The following FANCA variants were observed in gnomAD, a reference collection of about 807,000 sequenced individuals.
The protein encoded by FANCA is FA complementation group A.
In FANCA, 236 loss-of-function variants were observed where a neutral mutation model predicts 194.3. The observed-to-expected ratio is 1.21, with a 90% CI of 1.09 to 1.35. The LOEUF (loss-of-function observed/expected upper bound fraction) is 1.35. FANCA is among the 40% of genes most tolerant of loss of function. The probability of loss-of-function intolerance (pLI) is 0.00; values close to 1 mark genes in which losing one functional copy is unlikely to be tolerated. For synonymous variants in FANCA, 1,014 were observed against 715.8 expected (o/e 1.42, Z -6.65); for missense variants, 2,628 against 1,813.9 (o/e 1.45, Z -8.15).
intron 3 of FANCA, among the ~76,000 whole-genome samples, chr16:89,812,132 G>A (rs2040908538): frequency 3.4e-5 from 5 of 146,568 alleles, no homozygotes; most frequent in Admixed American, 3.4e-4. Flanking sequence ...TCAGGAGATC[G>A]AGACCATCCT....
rs2011877 is a variant in FANCA, at chr16:89,748,410, T to A, written c.3348+249A>T. Among the ~76,000 whole-genome samples the A allele has an allele frequency of 0.011, 1,710 of 152,204 alleles. 30 individuals are homozygous for A. Among genetic ancestry groups the A allele is most frequent in the South Asian group, 0.092 (444 of 4,830 alleles). On this transcript the variant is annotated intron_variant, in intron 33 of 42. Coordinates refer to ENST00000389301, the MANE Select transcript of FANCA (RefSeq NM_000135.4). Reference sequence around the variant, plus strand: ...TCCATGTGTCAAAATCATTAAAACTTGAGGGAAACTAAAGGAACTCAAACT... The same window carrying A: ...TCCATGTGTCAAAATCATTAAAACTAGAGGGAAACTAAAGGAACTCAAACT...
chr16:89,779,269 G>A (rs2039621176), intron 18 of FANCA, among the ~76,000 whole-genome samples: 1 of 152,128 alleles, frequency 6.6e-6, no homozygotes, highest in African/African-American at 2.4e-5. Context: ...GAGGCCACGA[G>A]GACCATGTAA....
intron 10 of FANCA, 22 bp downstream of exon 10, chr16:89,799,144 C>T (rs757362952): frequency 1.2e-6 from 2 of 1,614,198 alleles, no homozygotes; most frequent in Non-Finnish European, 1.7e-6. Context: ...CACACTCAGG[C>T]AGGCCACCCT....
intron 22 of FANCA, among the ~76,000 whole-genome samples, chr16:89,772,130 C>A (rs536045678): frequency 6.6e-6 from 1 of 152,246 alleles, no homozygotes; most frequent in Non-Finnish European, 1.5e-5. Flanking sequence ...GACACCACAT[C>A]TGCCTAAGCG....
chr16:89,774,070 C>T (rs2039413384), intron 21 of FANCA, among the ~76,000 whole-genome samples: 1 of 151,926 alleles, frequency 6.6e-6, no homozygotes, highest in South Asian at 2.1e-4. Context: ...CGCCCAGCCA[C>T]CACTTTCAAT....
At position 89,758,702 on chromosome 16, in the gene FANCA, C is replaced by G. The variant is rs200093209; in HGVS notation, c.2856G>C (p.Gln952His). The part of the protein sequence containing the change: ...EADALSDTER[Q>H]DFHQWAIHEH... The stretch of plus-strand genomic sequence containing the variant: ...CATGGATCGCCCACTGGTGGAAGTC[C>G]TGCCTAGAACAGCAAACACTGCTAT... Residue 952 changes from glutamine to histidine, a missense_variant, in exon 30 of 43, where the codon CAG (glutamine) becomes CAC (histidine). By Grantham distance (24) the Gln-to-His change is conservative. Transcript: ENST00000389301. The G allele has an allele frequency of 4.6e-5, 75 of 1,613,472 alleles. No individual in the cohort carries two copies. Among genetic ancestry groups the G allele is most frequent in the Middle Eastern group, 1.6e-4 (1 of 6,080 alleles).
chr16:89,782,846 C>A lies in FANCA; in HGVS notation c.1626+13G>T. The A allele has an allele frequency of 6.2e-7, 1 of 1,612,146 alleles. No individual in the cohort carries two copies. ...TGACTGGCTGAGACCCTGCAGGGCT[C>A]AAGCAACATTACCTCAGTAATGTCC... On this transcript the variant is annotated intron_variant, in intron 17 of 42. Transcript: ENST00000389301.
chr16:89,796,037 G>C lies in FANCA; in HGVS notation c.894-19C>G, dbSNP rs778340658. On this transcript the variant is annotated intron_variant, in intron 10 of 42. Coordinates refer to ENST00000389301, the MANE Select transcript of FANCA (RefSeq NM_000135.4). ...TCCGAACCTGCCAATGCAGCAGAAA[G>C]AGGGGTCAGGAAAGGGAGGGTGCCT... 6.3e-7 allele frequency: 1 copy of C among 1,598,330 alleles called. No homozygotes were observed. The highest frequency in any genetic ancestry group is 2.2e-5 in the East Asian group (1 of 44,806).
chr16:89,780,370 G>A (rs902786938), intron 17 of FANCA, among the ~76,000 whole-genome samples: 6 of 152,096 alleles, frequency 3.9e-5, no homozygotes, highest in African/African-American at 1.4e-4. Flanking sequence ...GTCTATAAAC[G>A]CAGTGCTTTG....
intron 1 of FANCA, chr16:89,816,228 G>A (rs544689632): frequency 2.3e-5 from 12 of 510,968 alleles, no homozygotes; most frequent in South Asian, 2.0e-4. Flanking sequence ...GCGAGGGGCG[G>A]CCTCTGCGCT....
intron 36 of FANCA, among the ~76,000 whole-genome samples, chr16:89,743,548 G>T (rs1237102002): frequency 6.6e-6 from 1 of 152,182 alleles, no homozygotes; most frequent in East Asian, 1.9e-4. Flanking sequence ...ACGAGGCAGG[G>T]CGTGGTGGTT....
At chr16:89,812,104 G>A (rs1395991965) in intron 3 of FANCA, among the ~76,000 whole-genome samples, 1 of 150,370 alleles carries the variant, frequency 6.7e-6, no homozygotes, top group South Asian at 2.1e-4. Flanking sequence ...GGGAGGCCGA[G>A]GCGGGCGGAT....
At chr16:89,802,888 A>G (rs1381694738) in intron 8 of FANCA, among the ~76,000 whole-genome samples, 1 of 152,208 alleles carries the variant, frequency 6.6e-6, no homozygotes, top group Non-Finnish European at 1.5e-5. Flanking sequence ...ACCAGAGATG[A>G]GAAGGGTATA....
At chr16:89,802,990 C>A (rs1268955802) in intron 8 of FANCA, among the ~76,000 whole-genome samples, 3 of 152,050 alleles carry the variant, frequency 2.0e-5, no homozygotes, top group Admixed American at 6.6e-5. Flanking sequence ...CAGAGTGAGG[C>A]GGCTATAGTT....
At chr16:89,765,607 G>A (rs553655072) in intron 27 of FANCA, among the ~76,000 whole-genome samples, 1 of 152,378 alleles carries the variant, frequency 6.6e-6, no homozygotes. Flanking sequence ...GCCTCTGCCA[G>A]GAATGGCGTT....
intron 13 of FANCA, 69 bp downstream of exon 13, chr16:89,791,858 C>G (rs2040086509): frequency 6.3e-7 from 1 of 1,599,024 alleles, no homozygotes; most frequent in South Asian, 1.1e-5. Context: ...CCACAGTCAG[C>G]TGGGACTCTG....
At chr16:89,794,193 G>A (rs1241944274) in intron 11 of FANCA, among the ~76,000 whole-genome samples, 1 of 152,108 alleles carries the variant, frequency 6.6e-6, no homozygotes, top group Non-Finnish European at 1.5e-5. Flanking sequence ...TACTTGTAAT[G>A]CTTTGTCATA....
chr16:89,750,210 G>T (rs753858673), intron 31 of FANCA, among the ~76,000 whole-genome samples: 3 of 152,252 alleles, frequency 2.0e-5, no homozygotes, highest in Non-Finnish European at 4.4e-5. Flanking sequence ...AGCTGGGCGT[G>T]GTGGCTCATG....
intron 20 of FANCA, among the ~76,000 whole-genome samples, chr16:89,778,075 T>C (rs537918731): frequency 6.7e-6 from 1 of 148,938 alleles, no homozygotes; most frequent in Admixed American, 6.7e-5. Flanking sequence ...GGCAGGAGAA[T>C]TCCTTGAACC....
Sources: allele counts gnomAD v4.1 joint callset (sites outside exome capture counted in the v4.1 genomes callset), GRCh38; gene constraint gnomAD v4.1.1; transcripts MANE v1.5; gene names NCBI Gene and HGNC (gene_info 2026-07-23, HGNC 2026-07-21).